The following COMMD10 variants were observed in gnomAD, a reference collection of about 807,000 sequenced individuals.
The protein encoded by COMMD10 is COMM domain-containing protein 10.
In COMMD10, 33 loss-of-function variants were observed where a neutral mutation model predicts 28.9. That is an observed-to-expected ratio of 1.14 (90% CI 0.87 to 1.53). The LOEUF (loss-of-function observed/expected upper bound fraction) is 1.53. COMMD10 is among the 40% of genes most tolerant of loss of function. The probability of loss-of-function intolerance (pLI) is 0.00; values close to 1 mark genes in which losing one functional copy is unlikely to be tolerated. For synonymous variants in COMMD10, 110 were observed against 81.7 expected, an observed-to-expected ratio of 1.35 and a Z score of -1.87; for missense variants, 310 against 233.4, an observed-to-expected ratio of 1.33 and a Z score of -2.14.
In COMMD10 at chr5:116,176,472, T is replaced by A. The variant is rs183361288; in HGVS notation, c.510+42294T>A. Among the ~76,000 whole-genome samples the A allele has an allele frequency of 1.4e-3, 215 of 152,316 alleles. 1 individual carries two copies. The highest frequency in any genetic ancestry group is 4.9e-3 in the African/African-American group (203 of 41,568). On this transcript the variant is annotated intron_variant, in intron 5 of 6. Transcript: ENST00000274458. Reference sequence around the variant, plus strand: ...CAAATAGAATCTAAAACATTTAACCTAACATCTGAGATGTGGGTTTACCAC... The same window carrying A: ...CAAATAGAATCTAAAACATTTAACCAAACATCTGAGATGTGGGTTTACCAC...
chr5:116,271,858 A>G (rs1424036837), intron 5 of COMMD10, among the ~76,000 whole-genome samples: 1 of 151,970 alleles, frequency 6.6e-6, no homozygotes, highest in South Asian at 2.1e-4. Context: ...AAAATCATTT[A>G]CTTTTTCCCA....
chr5:116,248,564 G>C (rs1204123178), intron 5 of COMMD10, among the ~76,000 whole-genome samples: 2 of 151,850 alleles, frequency 1.3e-5, no homozygotes, highest in Non-Finnish European at 2.9e-5. Flanking sequence ...TTGTAATTTG[G>C]TTTTGTTTTG....
At chr5:116,174,197 A>G (rs1057208035) in intron 5 of COMMD10, among the ~76,000 whole-genome samples, 1 of 152,112 alleles carries the variant, frequency 6.6e-6, no homozygotes, top group African/African-American at 2.4e-5. Context: ...TGCATGTCTT[A>G]AGGAAAAACA....
At chr5:116,134,689 C>T (rs1751973833) in intron 5 of COMMD10, among the ~76,000 whole-genome samples, 1 of 152,150 alleles carries the variant, frequency 6.6e-6, no homozygotes, top group Non-Finnish European at 1.5e-5. Flanking sequence ...GGCGCGATCT[C>T]GGCTCACTGC....
At chr5:116,149,520 G>C (rs575391699) in intron 5 of COMMD10, among the ~76,000 whole-genome samples, 1 of 144,780 alleles carries the variant, frequency 6.9e-6, no homozygotes, top group East Asian at 2.0e-4. Flanking sequence ...AGCACCTGTT[G>C]TTTCCTGACT....
chr5:116,281,268 G>A (rs1188775584), intron 5 of COMMD10, among the ~76,000 whole-genome samples: 4 of 151,590 alleles, frequency 2.6e-5, no homozygotes, highest in African/African-American at 9.7e-5. Context: ...TATTTTTAGT[G>A]TCAGCTTTCA....
At chr5:116,214,762 A>C (rs1749055669) in intron 5 of COMMD10, among the ~76,000 whole-genome samples, 1 of 152,116 alleles carries the variant, frequency 6.6e-6, no homozygotes, top group African/African-American at 2.4e-5. Flanking sequence ...TTAACATAGG[A>C]AATATACCCA....
chr5:116,113,853 C>T (rs1401683163), intron 4 of COMMD10, among the ~76,000 whole-genome samples: 4 of 151,760 alleles, frequency 2.6e-5, no homozygotes, highest in African/African-American at 7.3e-5. Context: ...TATTGCCATG[C>T]GTTTTCATGT....
At chr5:116,241,861 C>A (rs1749824892) in intron 5 of COMMD10, among the ~76,000 whole-genome samples, 1 of 151,722 alleles carries the variant, frequency 6.6e-6, no homozygotes, top group African/African-American at 2.4e-5. Context: ...TCGTGATCCA[C>A]CCACCTCGGC....
At chr5:116,268,953 G>C (rs1163666373) in intron 5 of COMMD10, among the ~76,000 whole-genome samples, 1 of 151,548 alleles carries the variant, frequency 6.6e-6, no homozygotes, top group African/African-American at 2.4e-5. Context: ...GTTGTGGGGT[G>C]GGGGGAAGGG....
chr5:116,085,056 G>A lies in COMMD10; in HGVS notation c.4G>A (p.Ala2Thr). The A allele has an allele frequency of 6.2e-7, 1 of 1,608,934 alleles. No homozygotes were observed. The change falls in exon 1 of 7, where the codon GCG (alanine) becomes ACG (threonine). Residue 2 changes from alanine (A) to threonine (T), a missense_variant. Coordinates refer to ENST00000274458, the MANE Select transcript of COMMD10 (RefSeq NM_016144.4). ...CGGCAGTGCGAGAAAGCCGAAGATGGCGGTCCCCGCGGCGCTGATCCTACG... is the reference window on the plus strand; with the variant it reads ...CGGCAGTGCGAGAAAGCCGAAGATGACGGTCCCCGCGGCGCTGATCCTACG... Reference protein sequence around the residue: MAVPAALILRES... With the variant: MTVPAALILRES...
chr5:116,103,168 C>A (rs2112725156), intron 4 of COMMD10, among the ~76,000 whole-genome samples: 1 of 152,146 alleles, frequency 6.6e-6, no homozygotes, highest in South Asian at 2.1e-4. Context: ...GATTTATAAT[C>A]CTTTGGGTAT....
intron 5 of COMMD10, among the ~76,000 whole-genome samples, chr5:116,268,387 A>G (rs1260514330): frequency 6.6e-6 from 1 of 151,954 alleles, no homozygotes; most frequent in Non-Finnish European, 1.5e-5. Context: ...AATGCAAATC[A>G]AAACCACAAT....
intron 4 of COMMD10, among the ~76,000 whole-genome samples, chr5:116,105,337 A>T (rs1398897693): frequency 6.6e-6 from 1 of 152,110 alleles, no homozygotes; most frequent in Non-Finnish European, 1.5e-5. Flanking sequence ...AAGCTATTTG[A>T]TGTGCTGCTG....
intron 4 of COMMD10, among the ~76,000 whole-genome samples, chr5:116,095,679 G>A (rs1215594415): frequency 1.3e-5 from 2 of 151,296 alleles, no homozygotes; most frequent in African/African-American, 2.4e-5. Context: ...CCTACTTCTG[G>A]TTTTCTAGGA....
At chr5:116,117,710 C>T (rs1380152316) in intron 4 of COMMD10, among the ~76,000 whole-genome samples, 1 of 152,092 alleles carries the variant, frequency 6.6e-6, no homozygotes, top group African/African-American at 2.4e-5. Context: ...AAGTGATCTG[C>T]CCGCCTTGGC....
At chr5:116,214,874 CTT>C (rs1561670822) in intron 5 of COMMD10, among the ~76,000 whole-genome samples, 1 of 152,054 alleles carries the variant, frequency 6.6e-6, no homozygotes, top group Non-Finnish European at 1.5e-5. Context: ...AATACGATCT[CTT>C]TTATAATCCT....
chr5:116,092,665 GA>G lies in COMMD10; in HGVS notation c.368del (p.Lys123SerfsTer12). ...GTCTTCTATGGGTCAAGAAACAGTT[GA>G]AAAGTTCCGGCAGAGAATTCTGGCT... Reference protein sequence around the residue: ...TWSSMGQETVEKFRQRILAPC... With the variant: ...TWSSMGQETVXKFRQRILAPC... On this transcript the variant is annotated frameshift_variant, in exon 4 of 7. Coordinates refer to ENST00000274458, the MANE Select transcript of COMMD10 (RefSeq NM_016144.4). LOFTEE classifies it high-confidence loss of function. 6.2e-7 allele frequency: 1 copy of G among 1,609,080 alleles called. No homozygotes were observed. Among genetic ancestry groups the G allele is most frequent in the Non-Finnish European group, 8.5e-7 (1 of 1,177,544 alleles).
chr5:116,252,656 T>C (rs1225657052), intron 5 of COMMD10, among the ~76,000 whole-genome samples: 1 of 126,546 alleles, frequency 7.9e-6, no homozygotes, highest in Admixed American at 8.0e-5. Context: ...TCCATTGATC[T>C]ATATCTCTGT....
Sources: gnomAD v4.1 joint callset for allele counts (sites outside exome capture counted in the v4.1 genomes callset) on GRCh38, gnomAD v4.1.1 for gene constraint, MANE v1.5 for transcripts, NCBI Gene and HGNC (gene_info 2026-07-23, HGNC 2026-07-21) for gene names.